The following DMXL1 variants were observed in gnomAD, a reference collection of about 807,000 sequenced individuals.
DMXL1 encodes dmX-like protein 1.
In DMXL1, 99 loss-of-function variants were observed where a neutral mutation model predicts 319.2. That is an observed-to-expected ratio of 0.31 (90% CI 0.26 to 0.37). The LOEUF (loss-of-function observed/expected upper bound fraction) is 0.37. Among genes scored for constraint, DMXL1 ranks in the 10% least tolerant of loss-of-function variants. The pLI is 1.00. For synonymous variants in DMXL1, 1,385 were observed against 1,235.2 expected, an observed-to-expected ratio of 1.12 and a Z score of -2.54; for missense variants, 3,745 against 3,595.6, an observed-to-expected ratio of 1.04 and a Z score of -1.06.
At chr5:119,173,597 A>G (rs979804314) in intron 25 of DMXL1, among the ~76,000 whole-genome samples, 2 of 150,844 alleles carry the variant, frequency 1.3e-5, no homozygotes, top group African/African-American at 4.9e-5. Flanking sequence ...TCTGGGTCAT[A>G]TGTATCTCAT....
At chr5:119,177,965 C>G (rs762765370) in intron 27 of DMXL1, 31 bp from the exon 28 acceptor site, 1 of 1,538,252 alleles carries the variant, frequency 6.5e-7, no homozygotes, top group Non-Finnish European at 8.7e-7. Context: ...AATTTATAGT[C>G]AGTGACAGCT....
chr5:119,084,821 G>A (rs547553150), intron 1 of DMXL1, among the ~76,000 whole-genome samples: 24 of 146,534 alleles, frequency 1.6e-4, no homozygotes, highest in Non-Finnish European at 3.1e-4. Flanking sequence ...CCAAGATCAC[G>A]CCATTGCACT....
intron 22 of DMXL1, 35 bp downstream of exon 22, chr5:119,166,816 A>T: frequency 6.5e-7 from 1 of 1,542,636 alleles, no homozygotes; most frequent in Non-Finnish European, 8.7e-7. Flanking sequence ...AAGTATAGCA[A>T]TGTCATCTTT....
chr5:119,164,694 G>C lies in DMXL1; in HGVS notation c.4872+18G>C. 6.4e-7 allele frequency: 1 copy of C among 1,561,004 alleles called. No individual in the cohort carries two copies. The highest frequency in any genetic ancestry group is 1.2e-5 in the South Asian group (1 of 82,430). On this transcript the variant is annotated intron_variant, in intron 20 of 43. Coordinates refer to ENST00000539542, the MANE Select transcript of DMXL1 (RefSeq NM_001290321.3). Reference sequence around the variant, plus strand: ...TAGAAAAAGTAAGTGTTTTATTTTGGTGTATAAGTGAATTAATATTTTTTG... The same window carrying C: ...TAGAAAAAGTAAGTGTTTTATTTTGCTGTATAAGTGAATTAATATTTTTTG...
intron 4 of DMXL1, among the ~76,000 whole-genome samples, chr5:119,109,495 T>C (rs1392164917): frequency 6.6e-6 from 1 of 152,242 alleles, no homozygotes; most frequent in Non-Finnish European, 1.5e-5. Context: ...CGCTGTGAAC[T>C]TGAAAAACTC....
chr5:119,149,214 A>G lies in DMXL1; in HGVS notation c.3387A>G (p.Lys1129=). The G allele has an allele frequency of 1.9e-6, 3 of 1,613,920 alleles. No homozygotes were observed. Among genetic ancestry groups the G allele is most frequent in the South Asian group, 1.1e-5 (1 of 91,086 alleles). Reference sequence around the variant, plus strand: ...AACAAGACATGTATTTATCTAGTAAAGAGAATATCACATCAAACACAAAGC... The same window carrying G: ...AACAAGACATGTATTTATCTAGTAAGGAGAATATCACATCAAACACAAAGC... ...YNKQDMYLSS[K]ENITSNTKHL... is the part of the protein sequence containing the mutation. Residue 1129 remains lysine, a synonymous_variant, in exon 18 of 44, where the codon AAA becomes AAG. Coordinates refer to ENST00000539542, the MANE Select transcript of DMXL1 (RefSeq NM_001290321.3).
At chr5:119,158,226 G>A (rs1361712777) in intron 19 of DMXL1, among the ~76,000 whole-genome samples, 1 of 144,730 alleles carries the variant, frequency 6.9e-6, no homozygotes, top group African/African-American at 2.5e-5. Flanking sequence ...TTTTTTTTAA[G>A]TAGCAATGAT....
At chr5:119,110,469 T>C (rs1296849164) in intron 5 of DMXL1, among the ~76,000 whole-genome samples, 186 bp downstream of exon 5, 4 of 152,214 alleles carry the variant, frequency 2.6e-5, no homozygotes, top group African/African-American at 4.8e-5. Context: ...TTTTTAAAAA[T>C]GTCAATTAAA....
chr5:119,075,306 C>T (rs1750579411), intron 1 of DMXL1, among the ~76,000 whole-genome samples: 1 of 141,390 alleles, frequency 7.1e-6, no homozygotes, highest in Non-Finnish European at 1.5e-5. Flanking sequence ...GTGGTGTGAT[C>T]TCAGCTCACT....
At chr5:119,210,757 G>GTT in intron 34 of DMXL1, among the ~76,000 whole-genome samples, 2,333 of 89,728 alleles carry the variant, frequency 0.026, 197 homozygotes, top group South Asian at 0.056. Flanking sequence ...TTTTTCTTTC[G>GTT]TTTTTTTTTT....
chr5:119,148,331 T>C (rs922446005), intron 17 of DMXL1, among the ~76,000 whole-genome samples: 4 of 152,172 alleles, frequency 2.6e-5, no homozygotes, highest in African/African-American at 9.7e-5. Flanking sequence ...AAATTAGATT[T>C]ATAATGTATA....
Position 119,244,349 on chromosome 5 carries a change from T to C in DMXL1, c.8705-10T>C. The stretch of plus-strand genomic sequence containing the variant: ...TAAGTGTTTTTGTTTTTTTTTTAAT[T>C]TACTTTCAGCATTTACCTGCCATGA... On this transcript the variant is annotated splice_polypyrimidine_tract_variant and intron_variant, in intron 42 of 43. Coordinates refer to ENST00000539542, the MANE Select transcript of DMXL1 (RefSeq NM_001290321.3). 6.3e-7 allele frequency: 1 copy of C among 1,589,636 alleles called. No individual in the cohort carries two copies. The highest frequency in any genetic ancestry group is 8.5e-7 in the Non-Finnish European group (1 of 1,170,976).
chr5:119,087,034 GT>G (rs954960572), intron 1 of DMXL1, among the ~76,000 whole-genome samples: 1 of 151,602 alleles, frequency 6.6e-6, no homozygotes, highest in African/African-American at 2.4e-5. Context: ...TGATCTAGTT[GT>G]TTTGTCTTCT....
chr5:119,150,468 AAAATAATTTT>A, intron 18 of DMXL1, 47 bp downstream of exon 18: 2 of 1,528,372 alleles, frequency 1.3e-6, no homozygotes, highest in Non-Finnish European at 1.8e-6. Flanking sequence ...ACTTTCACAG[AAAATAATTTT>A]AAATAATTTT....
chr5:119,116,351 C>A lies in DMXL1; in HGVS notation c.743+15C>A. On this transcript the variant is annotated intron_variant, in intron 7 of 43. Coordinates refer to ENST00000539542, the MANE Select transcript of DMXL1 (RefSeq NM_001290321.3). ...TATATGCCTAGGTCAGTGGATTGGT[C>A]ATTTCCCTCCACATATTAAGGGAGC... 6.2e-7 allele frequency: 1 copy of A among 1,608,292 alleles called. No homozygotes were observed. Among genetic ancestry groups the A allele is most frequent in the South Asian group, 1.1e-5 (1 of 90,536 alleles).
At chr5:119,202,192 G>A (rs183549789) in intron 32 of DMXL1, among the ~76,000 whole-genome samples, 1 of 152,106 alleles carries the variant, frequency 6.6e-6, no homozygotes, top group African/African-American at 2.4e-5. Flanking sequence ...TCTAACTTTT[G>A]ATGTGGACAT....
chr5:119,120,773 T>C (rs752140455), intron 8 of DMXL1, among the ~76,000 whole-genome samples, 198 bp from the exon 9 acceptor site: 68 of 152,378 alleles, frequency 4.5e-4, no homozygotes, highest in Admixed American at 1.8e-3. Flanking sequence ...GTCATAACTT[T>C]ATTCTTCAGG....
intron 1 of DMXL1, among the ~76,000 whole-genome samples, chr5:119,086,926 T>A (rs1441874840): frequency 6.6e-6 from 1 of 152,152 alleles, no homozygotes; most frequent in Non-Finnish European, 1.5e-5. Context: ...TGGTTCAATC[T>A]TGGTAGGTTG....
chr5:119,191,538 A>C (rs1443364070), intron 29 of DMXL1, among the ~76,000 whole-genome samples: 2 of 152,198 alleles, frequency 1.3e-5, no homozygotes, highest in African/African-American at 4.8e-5. Context: ...ATTTTGAAGG[A>C]GAGTTTTGCT....
Sources: allele counts gnomAD v4.1 joint callset (sites outside exome capture counted in the v4.1 genomes callset), GRCh38; gene constraint gnomAD v4.1.1; transcripts MANE v1.5; gene names NCBI Gene and HGNC (gene_info 2026-07-23, HGNC 2026-07-21).